The following XRCC3 variants were observed in gnomAD, a reference collection of about 807,000 sequenced individuals.
The protein encoded by XRCC3 is DNA repair protein XRCC3.
Under a neutral mutation model 29.2 loss-of-function variants are expected in XRCC3, and 34 were observed. The ratio of observed to expected loss-of-function variants is 1.16; its 90% CI spans 0.88 to 1.55. The LOEUF is 1.55. Among genes scored for constraint, XRCC3 ranks in the 40% most tolerant of loss-of-function variants. XRCC3 has a pLI of 0.00. For missense variants in XRCC3, 463 were observed against 467.6 expected, an observed-to-expected ratio of 0.99 and a Z score of 0.09; for synonymous variants, 223 against 211.3, an observed-to-expected ratio of 1.06 and a Z score of -0.48.
Position 103,706,747 on chromosome 14 carries a change from G to A in XRCC3, c.406+256C>T, listed in dbSNP as rs958788141. The A allele has an allele frequency of 7.2e-5, 40 of 551,750 alleles. 1 individual carries two copies. Among genetic ancestry groups the A allele is most frequent in the Non-Finnish European group, 1.1e-4 (33 of 305,330 alleles). 34.2% of individuals were successfully genotyped at this position (551,750 alleles called of 1,614,324 possible). A position where few individuals can be genotyped will look rare whatever the true frequency, so the allele number is the denominator to read the frequency against. ...CTGTGCTCAGCCAGCGACCCCTGGG[G>A]GCCTAGCTCTGCTGAGGGCCGGCTG... On this transcript the variant is annotated intron_variant, in intron 6 of 9. Coordinates refer to ENST00000555055, the MANE Select transcript of XRCC3 (RefSeq NM_005432.4).
chr14:103,703,098 C>T lies in XRCC3; in HGVS notation c.561+75G>A, dbSNP rs568623694. On this transcript the variant is annotated intron_variant, in intron 7 of 9. Coordinates refer to ENST00000555055, the MANE Select transcript of XRCC3 (RefSeq NM_005432.4). ...CTGCCCTGCTGTGAGACCCCATTGCCGTGGTGGCTACACCTGCCCCAATGG... is the reference window on the plus strand; with the variant it reads ...CTGCCCTGCTGTGAGACCCCATTGCTGTGGTGGCTACACCTGCCCCAATGG... 4,919 of 1,536,444 alleles carry T rather than the reference C, an allele frequency of 3.2e-3. 13 individuals carry two copies. The highest frequency in any genetic ancestry group is 3.9e-3 in the Non-Finnish European group (4,446 of 1,145,058).
chr14:103,701,022 A>G (rs1398712613), intron 7 of XRCC3, among the ~76,000 whole-genome samples: 1 of 152,174 alleles, frequency 6.6e-6, no homozygotes, highest in Non-Finnish European at 1.5e-5. Context: ...GGGAGCAGAG[A>G]CCAAAGACGC....
chr14:103,707,458 C>T (rs1190155206), intron 5 of XRCC3: 1 of 588,860 alleles, frequency 1.7e-6, no homozygotes, highest in Non-Finnish European at 3.0e-6. Context: ...CCGCAGGGAT[C>T]CCCCTATGGG....
chr14:103,711,500 G>A lies in XRCC3; in HGVS notation c.-193C>T, dbSNP rs978204011. On this transcript the variant is annotated 5_prime_UTR_variant, in exon 3 of 10. Transcript: ENST00000555055. Reference sequence around the variant, plus strand: ...GCTTGGGGATGACCCGCGTGTTTTTGGCTGACTTGACTGAGGCATCTCTTG... The same window carrying A: ...GCTTGGGGATGACCCGCGTGTTTTTAGCTGACTTGACTGAGGCATCTCTTG... The A allele has an allele frequency of 1.9e-5, 9 of 470,596 alleles. No individual in the cohort carries two copies. The highest frequency in any genetic ancestry group is 1.6e-4 in the African/African-American group (8 of 50,844). 29.2% of individuals were successfully genotyped at this position (470,596 alleles called of 1,614,324 possible).
At position 103,699,682 on chromosome 14, in the gene XRCC3, C is replaced by T. The variant is rs954199215; in HGVS notation, c.562-106G>A. On this transcript the variant is annotated intron_variant, in intron 7 of 9. Transcript: ENST00000555055. Reference sequence around the variant, plus strand: ...GACCGTCTGAAAACCTTCCTACCCACCTGGGGCTCACAGTGCCCATACTCT... The same window carrying T: ...GACCGTCTGAAAACCTTCCTACCCATCTGGGGCTCACAGTGCCCATACTCT... The T allele has an allele frequency of 2.7e-6, 3 of 1,118,800 alleles. No individual in the cohort carries two copies. In the African/African-American group the frequency reaches 4.6e-5, roughly 17 times the overall value. 69.3% of individuals were successfully genotyped at this position (1,118,800 alleles called of 1,614,324 possible).
At chr14:103,710,742 CA>C (rs374609724) in intron 4 of XRCC3, 3,602 of 306,306 alleles carry the variant, frequency 0.012, no homozygotes, top group South Asian at 0.019. Context: ...ACCCCGTCTC[CA>C]AAAAAAAAAA....
rs904428604 is a variant in XRCC3, at chr14:103,697,927, A to G, written c.*871T>C. On this transcript the variant is annotated 3_prime_UTR_variant, in exon 10 of 10. Transcript: ENST00000555055. ...CCAGGAGTCCTGCCATATCCCTACC[A>G]GAATACCACCCAGCCAGGCCAGGGC... The G allele has an allele frequency of 3.3e-5, 5 of 152,504 alleles. No individual in the cohort carries two copies. The highest frequency in any genetic ancestry group is 7.3e-5 in the Non-Finnish European group (5 of 68,366). The allele number at this position is 152,504 out of a possible 1,614,324, so 9.4% of individuals were successfully genotyped here. A position where few individuals can be genotyped will look rare whatever the true frequency, so the allele number is the denominator to read the frequency against.
intron 4 of XRCC3, 169 bp downstream of exon 4, chr14:103,710,864 A>ACC (rs1249919978): frequency 3.1e-6 from 2 of 654,986 alleles, no homozygotes; most frequent in Non-Finnish European, 5.5e-6. Context: ...ACACACACAC[A>ACC]CACACACACA....
intron 7 of XRCC3, 197 bp downstream of exon 7, chr14:103,702,976 G>T: frequency 2.5e-6 from 2 of 796,578 alleles, no homozygotes; most frequent in Non-Finnish European, 3.9e-6. Context: ...TCCCCTGCCA[G>T]TTCCTCTCAG....
intron 6 of XRCC3, chr14:103,703,724 C>T (rs1461983810): frequency 3.4e-6 from 1 of 296,488 alleles, no homozygotes; most frequent in Non-Finnish European, 6.7e-6. Context: ...CTGGAAATGG[C>T]CCCTGAGCCC....
rs2082806561 is a variant in XRCC3 at position 103,698,819 on chromosome 14, T to G, written c.1020A>C (p.Thr340=). ...YTISAEGVRG[T]PGTQSH ...CGTGTCAGTGGGACTGGGTCCCAGG[T>G]GTCCCTCGCACCCCTTCGGCACTGA... is the stretch of plus-strand genomic sequence containing the variant. Residue 340 remains threonine (T), a synonymous_variant, in exon 10 of 10, where the codon ACA becomes ACC. Coordinates refer to ENST00000555055, the MANE Select transcript of XRCC3 (RefSeq NM_005432.4). 1.9e-6 allele frequency: 3 copies of G among 1,602,560 alleles called. No individual in the cohort carries two copies. Among genetic ancestry groups the G allele is most frequent in the Middle Eastern group, 1.7e-4 (1 of 5,776 alleles).
rs1396721051 is a variant in XRCC3, at chr14:103,707,222, G to A, written c.194-7C>T. 1 of 1,548,480 alleles carries A rather than the reference G, an allele frequency of 6.5e-7. No individual in the cohort carries two copies. Among genetic ancestry groups the A allele is most frequent in the East Asian group, 2.4e-5 (1 of 40,906 alleles). ...TGCTGGTGCAGCTGCAGTGCTAAAG[G>A]GCAGGGATAGTGTCAGGCCTGACTC... On this transcript the variant is annotated splice_polypyrimidine_tract_variant and splice_region_variant and intron_variant, in intron 5 of 9. Coordinates refer to ENST00000555055, the MANE Select transcript of XRCC3 (RefSeq NM_005432.4).
chr14:103,699,108 GCA>G (rs1270345126), intron 9 of XRCC3, 23 bp downstream of exon 9: 3 of 1,570,380 alleles, frequency 1.9e-6, no homozygotes, highest in Admixed American at 3.7e-5. Context: ...GCACAGAGGT[GCA>G]CACACCACAT....
rs767258270 is a variant in XRCC3, at chr14:103,698,715, C to T, written c.*83G>A. Reference sequence around the variant, plus strand: ...CTGAACCAGGCTCCCAGCTGTGCCACGGCCCAGGCAGACGCGTTTTAAAGG... The same window carrying T: ...CTGAACCAGGCTCCCAGCTGTGCCATGGCCCAGGCAGACGCGTTTTAAAGG... On this transcript the variant is annotated 3_prime_UTR_variant, in exon 10 of 10. Coordinates refer to ENST00000555055, the MANE Select transcript of XRCC3 (RefSeq NM_005432.4). The T allele has an allele frequency of 2.8e-4, 359 of 1,297,462 alleles. No homozygotes were observed. The highest frequency in any genetic ancestry group is 3.7e-4 in the Non-Finnish European group (343 of 920,082). The allele number at this position is 1,297,462 out of a possible 1,614,324, so 80.4% of individuals were successfully genotyped here. A position where few individuals can be genotyped will look rare whatever the true frequency, so the allele number is the denominator to read the frequency against.
chr14:103,704,887 G>C (rs932348507), intron 6 of XRCC3: 2 of 152,160 alleles, frequency 1.3e-5, no homozygotes, highest in Non-Finnish European at 2.9e-5. Flanking sequence ...TGCCAGGAAG[G>C]CTGCCCAGCC....
Position 103,703,579 on chromosome 14 carries a change from CCT to C in XRCC3, c.407-254_407-253del, listed in dbSNP as rs938750407. 147 of 528,686 alleles carry C rather than the reference CCT, an allele frequency of 2.8e-4. 4 individuals carry two copies. Among genetic ancestry groups the C allele is most frequent in the South Asian group, 2.7e-3 (137 of 50,734 alleles). 32.7% of individuals were successfully genotyped at this position (528,686 alleles called of 1,614,324 possible). On this transcript the variant is annotated intron_variant, in intron 6 of 9. Coordinates refer to ENST00000555055, the MANE Select transcript of XRCC3 (RefSeq NM_005432.4). ...TTCTGACACCCAGGCAAGGACTTCC[CCT>C]GTCCTGGGCCCTGGGCTGGAATGGC... is the stretch of plus-strand genomic sequence containing the variant.
chr14:103,715,090 G>A (rs1423457783), intron 1 of XRCC3, among the ~76,000 whole-genome samples: 1 of 152,176 alleles, frequency 6.6e-6, no homozygotes, highest in African/African-American at 2.4e-5. Context: ...GGCATCGAAG[G>A]CCGGGGGCGC....
At chr14:103,712,001 G>A (rs1227728527) in intron 2 of XRCC3, 4 of 344,826 alleles carry the variant, frequency 1.2e-5, no homozygotes, top group South Asian at 2.2e-5. Context: ...AGGGCGGGCC[G>A]TGGACTTGGA....
chr14:103,711,775 C>T (rs1406526301), intron 2 of XRCC3: 2 of 450,670 alleles, frequency 4.4e-6, no homozygotes, highest in South Asian at 3.1e-5. Context: ...CAGCTCTTCT[C>T]CCCTCCGGCC....
Sources: gnomAD v4.1 joint callset for allele counts (sites outside exome capture counted in the v4.1 genomes callset) on GRCh38, gnomAD v4.1.1 for gene constraint, MANE v1.5 for transcripts, NCBI Gene and HGNC (gene_info 2026-07-23, HGNC 2026-07-21) for gene names.